KIAA1614: variants seen among roughly 807,000 people sequenced by gnomAD.
KIAA1614 encodes KIAA1614.
A neutral mutation model predicts 88.7 loss-of-function variants in KIAA1614; 76 were observed. The observed-to-expected ratio is 0.86, with a 90% CI of 0.71 to 1.04. KIAA1614 has a LOEUF of 1.04. KIAA1614 is among the 50% of genes least tolerant of loss of function. KIAA1614 has a pLI of 0.00. For missense variants in KIAA1614, 1,553 were observed against 1,582.5 expected, an observed-to-expected ratio of 0.98 and a Z score of 0.32; for synonymous variants, 714 against 675.5, an observed-to-expected ratio of 1.06 and a Z score of -0.88.
At chr1:180,944,260 T>C (rs1654532662) in intron 7 of KIAA1614, 129 bp from the exon 8 acceptor site, 8 of 899,900 alleles carry the variant, frequency 8.9e-6, no homozygotes, top group East Asian at 2.7e-5. Flanking sequence ...GTTGAATTCT[T>C]GGAAGCAATG....
In KIAA1614 at chr1:180,951,485, G is replaced by A. The variant is rs1654724893; in HGVS notation, c.*5897G>A. 2 of 152,486 alleles carry A rather than the reference G, an allele frequency of 1.3e-5. 1 individual carries two copies. Among genetic ancestry groups the A allele is most frequent in the Admixed American group, 1.3e-4 (2 of 15,292 alleles). 9.4% of individuals were successfully genotyped at this position (152,486 alleles called of 1,614,324 possible). A position where few individuals can be genotyped will look rare whatever the true frequency, so the allele number is the denominator to read the frequency against. ...TGGGCAGGTGGGTGGGTGGGCAGCA[G>A]GGAAGCTGCAGAGCGCGGCTGGGCC... On this transcript the variant is annotated 3_prime_UTR_variant, in exon 9 of 9. Transcript: ENST00000367588.
In KIAA1614 at chr1:180,942,450, C is replaced by T. The variant is rs117376766; in HGVS notation, c.3159+1165C>T. 5.7e-3 allele frequency among the ~76,000 whole-genome samples: 873 copies of T among 152,340 alleles called. 43 individuals are homozygous for T. In the East Asian group the frequency reaches 0.1, roughly 18 times the overall value. Reference sequence around the variant, plus strand: ...TGAGAGCGGTTTGCGTCGCTGGCGCCTTTCATTTCCCAGGCTGCAGGCGAG... The same window carrying T: ...TGAGAGCGGTTTGCGTCGCTGGCGCTTTTCATTTCCCAGGCTGCAGGCGAG... On this transcript the variant is annotated intron_variant, in intron 7 of 8. Coordinates refer to ENST00000367588, the MANE Select transcript of KIAA1614 (RefSeq NM_020950.2).
intron 2 of KIAA1614, 130 bp downstream of exon 2, chr1:180,917,230 A>G (rs1445323920): frequency 2.2e-5 from 15 of 684,712 alleles, no homozygotes; most frequent in Non-Finnish European, 3.0e-5. Context: ...GTTGCCTGTC[A>G]TCAAAATCAT....
rs573767006 is a variant in KIAA1614 at position 180,945,862 on chromosome 1, T to C, written c.*274T>C. On this transcript the variant is annotated 3_prime_UTR_variant, in exon 9 of 9. Coordinates refer to ENST00000367588, the MANE Select transcript of KIAA1614 (RefSeq NM_020950.2). ...GCTCATGCCTGTAATCCCAGAACTT[T>C]GGGAGGCCGAGGCGCCTGGATCACC... The C allele has an allele frequency of 7.2e-5, 84 of 1,167,980 alleles. No homozygotes were observed. The East Asian group carries it at 3.7e-3, about 52-fold the overall frequency. 72.4% of individuals were successfully genotyped at this position (1,167,980 alleles called of 1,614,324 possible).
At position 180,941,214 on chromosome 1, in the gene KIAA1614, G is replaced by A. The variant is rs1399039794; in HGVS notation, c.3088G>A (p.Glu1030Lys). ...GGGCAAGTCCCGCAGCTACAGTGTG[G>A]AGCAGTTGCAGCCCGCCCCGCCTGG... ...KLGKSRSYSV[E>K]QLQPAPPGLT... Residue 1030 changes from glutamate to lysine, a missense_variant, in exon 7 of 9, where the codon GAG becomes AAG. Glu to Lys is a moderately conservative substitution (Grantham distance 56, BLOSUM62 1). Transcript: ENST00000367588. 83 of 1,613,758 alleles carry A rather than the reference G, an allele frequency of 5.1e-5. No homozygotes were observed. Among genetic ancestry groups the A allele is most frequent in the Admixed American group, 6.7e-5 (4 of 60,000 alleles).
Position 180,950,342 on chromosome 1 carries a change from A to T in KIAA1614, c.*4754A>T, listed in dbSNP as rs189689908. 366 of 1,206,424 alleles carry T rather than the reference A, an allele frequency of 3.0e-4. 2 individuals are homozygous for T. In the African/African-American group the frequency reaches 5.1e-3, roughly 17 times the overall value. The allele number at this position is 1,206,424 out of a possible 1,614,324, so 74.7% of individuals were successfully genotyped here. Reference sequence around the variant, plus strand: ...AATTCTCCTGTTTTCCTCTGCAGGGATCTACGTGCAGGAGATGGCTGACAT... The same window carrying T: ...AATTCTCCTGTTTTCCTCTGCAGGGTTCTACGTGCAGGAGATGGCTGACAT... On this transcript the variant is annotated 3_prime_UTR_variant, in exon 9 of 9. Transcript: ENST00000367588.
chr1:180,930,316 G>A (rs1376962124), intron 4 of KIAA1614, among the ~76,000 whole-genome samples: 1 of 152,090 alleles, frequency 6.6e-6, no homozygotes, highest in African/African-American at 2.4e-5. Flanking sequence ...CTACTTGGGA[G>A]GCTGAGGCAG....
intron 1 of KIAA1614, among the ~76,000 whole-genome samples, chr1:180,914,258 C>G (rs965058505): frequency 3.9e-5 from 6 of 152,214 alleles, no homozygotes; most frequent in African/African-American, 7.2e-5. Context: ...ATGCAACACC[C>G]TGAGTCAAAC....
rs1245501376 is a variant in KIAA1614 at position 180,935,383 on chromosome 1, C to A, written c.1474C>A (p.Pro492Thr). 2.0e-6 allele frequency: 3 copies of A among 1,468,048 alleles called. No individual in the cohort carries two copies. Among genetic ancestry groups the A allele is most frequent in the Non-Finnish European group, 2.7e-6 (3 of 1,116,282 alleles). The allele number at this position is 1,468,048 out of a possible 1,614,324, so 90.9% of individuals were successfully genotyped here. A position where few individuals can be genotyped will look rare whatever the true frequency, so the allele number is the denominator to read the frequency against. The change falls in exon 5 of 9, where the codon CCC (proline) becomes ACC (threonine). Residue 492 changes from proline to threonine, a missense_variant. Coordinates refer to ENST00000367588, the MANE Select transcript of KIAA1614 (RefSeq NM_020950.2). This position sits in a 1 kb window ranked among gnomAD's most constrained non-coding sequence, Gnocchi z 6.1. ...GGACCAGGGCCCCCTGCGCTCCAAG[C>A]CCGACCTCGCCGACTACATCAACGG... ...AADQGPLRSK[P>T]DLADYINGAP...
chr1:180,933,732 C>T (rs1654251504), intron 4 of KIAA1614, among the ~76,000 whole-genome samples: 1 of 152,128 alleles, frequency 6.6e-6, no homozygotes. Context: ...TCTCCCAGAG[C>T]CAAAGTGGAT....
rs182005815 is a variant in KIAA1614, at chr1:180,931,953, G to A, written c.1206-3162G>A. ...ATTGGGTCGGCTGGGCTGGGAGGGC[G>A]TCCTTTCTGTGCAGTGGGCTAGGCT... On this transcript the variant is annotated intron_variant, in intron 4 of 8. Transcript: ENST00000367588. 3.4e-3 allele frequency among the ~76,000 whole-genome samples: 519 copies of A among 152,258 alleles called. 6 individuals carry two copies. Among genetic ancestry groups the A allele is most frequent in the African/African-American group, 9.8e-3 (409 of 41,552 alleles).
chr1:180,913,330 G>C (rs370532198), intron 1 of KIAA1614, 37 bp downstream of exon 1: 1 of 1,225,822 alleles, frequency 8.2e-7, no homozygotes, highest in East Asian at 3.2e-5. Flanking sequence ...CCGGCCGGGC[G>C]GGGGTGGCGG....
At position 180,913,248 on chromosome 1, in the gene KIAA1614, A is replaced by G; in HGVS notation, c.5A>G (p.Glu2Gly). 1.6e-6 allele frequency: 2 copies of G among 1,261,186 alleles called. No individual in the cohort carries two copies. Among genetic ancestry groups the G allele is most frequent in the South Asian group, 3.4e-5 (1 of 29,144 alleles). The allele number at this position is 1,261,186 out of a possible 1,614,324, so 78.1% of individuals were successfully genotyped here. A position where few individuals can be genotyped will look rare whatever the true frequency, so the allele number is the denominator to read the frequency against. MEGTEAAAAKPA... is the reference protein window; with the variant it reads MGGTEAAAAKPA... ...AGGGCCTGGCCTCTCCGAGGGATGG[A>G]GGGGACAGAGGCGGCGGCGGCCAAA... The change falls in exon 1 of 9, where the codon GAG becomes GGG. Residue 2 changes from glutamate (E) to glycine (G), a missense_variant. Coordinates refer to ENST00000367588, the MANE Select transcript of KIAA1614 (RefSeq NM_020950.2).
chr1:180,936,642 G>A lies in KIAA1614; in HGVS notation c.2733G>A (p.Pro911=), dbSNP rs781471655. Residue 911 remains proline, a synonymous_variant, in exon 5 of 9, where the codon CCG becomes CCA. Transcript: ENST00000367588. The stretch of plus-strand genomic sequence containing the variant: ...AGAGGGGCCCCTGCAGCCGGGAACC[G>A]GAGCCGCCCCTGGAGAACAGCAGAG... ...RVERGPCSRE[P]EPPLENSRDG... is the part of the protein sequence containing the mutation. 7 of 1,567,824 alleles carry A rather than the reference G, an allele frequency of 4.5e-6. No homozygotes were observed. Among genetic ancestry groups the A allele is most frequent in the Admixed American group, 3.7e-5 (2 of 53,854 alleles).
At chr1:180,944,102 T>C (rs1434486450) in intron 7 of KIAA1614, 1 of 200,558 alleles carries the variant, frequency 5.0e-6, no homozygotes, top group Non-Finnish European at 1.0e-5. Flanking sequence ...TCTTCCTTAA[T>C]GAGTACATTA....
intron 4 of KIAA1614, among the ~76,000 whole-genome samples, chr1:180,929,566 C>A (rs1654147412): frequency 6.6e-6 from 1 of 152,202 alleles, no homozygotes; most frequent in African/African-American, 2.4e-5. Context: ...ACAACAAGGT[C>A]AAGGACATTC....
rs537145060 is a variant in KIAA1614 at position 180,951,506 on chromosome 1, G to A, written c.*5918G>A. The A allele has an allele frequency of 1.0e-3, 157 of 152,642 alleles. No individual in the cohort carries two copies. Among genetic ancestry groups the A allele is most frequent in the African/African-American group, 3.7e-3 (153 of 41,604 alleles). The allele number at this position is 152,642 out of a possible 1,614,324, so 9.5% of individuals were successfully genotyped here. On this transcript the variant is annotated 3_prime_UTR_variant, in exon 9 of 9. Coordinates refer to ENST00000367588, the MANE Select transcript of KIAA1614 (RefSeq NM_020950.2). ...AGCAGGGAAGCTGCAGAGCGCGGCT[G>A]GGCCATCTGCCTGGGCCTCAGTGCT...
At chr1:180,929,136 C>T (rs1654139053) in intron 4 of KIAA1614, among the ~76,000 whole-genome samples, 1 of 152,252 alleles carries the variant, frequency 6.6e-6, no homozygotes, top group South Asian at 2.1e-4. Flanking sequence ...CTGTGTGCCT[C>T]AGTTTCCTCA....
chr1:180,926,157 A>G (rs967272631), intron 3 of KIAA1614, among the ~76,000 whole-genome samples: 3 of 152,040 alleles, frequency 2.0e-5, no homozygotes, highest in African/African-American at 7.3e-5. Flanking sequence ...GACCACCCCA[A>G]CCCTTCTAGG....
Sources: gnomAD v4.1 joint callset for allele counts (sites outside exome capture counted in the v4.1 genomes callset) on GRCh38, gnomAD v4.1.1 for gene constraint, Gnocchi (gnomAD v3.1) non-coding constraint, MANE v1.5 for transcripts, NCBI Gene and HGNC (gene_info 2026-07-23, HGNC 2026-07-21) for gene names.